Variants in TFAP2D observed in about 807,000 individuals in gnomAD.
TFAP2D encodes transcription factor AP-2 delta.
A neutral mutation model predicts 43.6 loss-of-function variants in TFAP2D; 9 were observed. The observed-to-expected ratio is 0.21, with a 90% CI of 0.12 to 0.36. The LOEUF (loss-of-function observed/expected upper bound fraction) is 0.36, where lower values mean the gene tolerates loss of function less well. Among genes scored for constraint, TFAP2D ranks in the 10% least tolerant of loss-of-function variants. The pLI, the probability that TFAP2D is intolerant of heterozygous loss-of-function variation, is 1.00. For synonymous variants in TFAP2D, 256 were observed against 224.9 expected (o/e 1.14, Z -1.24); for missense variants, 513 against 561.4 (o/e 0.91, Z 0.87).
At chr6:50,772,419 C>T (rs1769542060) in intron 7 of TFAP2D, among the ~76,000 whole-genome samples, 1 of 152,038 alleles carries the variant, frequency 6.6e-6, no homozygotes, top group East Asian at 1.9e-4. Context: ...ATAATTAGTG[C>T]ATATCAACTC....
At chr6:50,714,983 C>G (rs564381447) in intron 1 of TFAP2D, 133 bp from the exon 2 acceptor site, 2 of 1,218,866 alleles carry the variant, frequency 1.6e-6, no homozygotes, top group Non-Finnish European at 1.1e-6. Context: ...GGCTTCGGCT[C>G]GGCCCGAGTC....
At chr6:50,759,238 C>A (rs1012718192) in intron 7 of TFAP2D, among the ~76,000 whole-genome samples, 7 of 151,874 alleles carry the variant, frequency 4.6e-5, no homozygotes, top group Non-Finnish European at 5.9e-5. Context: ...CACAGAGAGA[C>A]AATATGGCAT....
intron 7 of TFAP2D, among the ~76,000 whole-genome samples, chr6:50,757,602 A>G (rs1769296405): frequency 1.4e-5 from 1 of 70,712 alleles, no homozygotes; most frequent in Non-Finnish European, 2.4e-5. Flanking sequence ...TATATATAGA[A>G]TATATATAAT....
intron 7 of TFAP2D, among the ~76,000 whole-genome samples, chr6:50,757,783 CTA>C (rs1481955664): frequency 2.8e-5 from 2 of 71,396 alleles, no homozygotes; most frequent in Admixed American, 1.8e-4. Context: ...TATAATTATT[CTA>C]TATATATAGA....
At chr6:50,742,627 T>C (rs1769065709) in intron 5 of TFAP2D, among the ~76,000 whole-genome samples, 1 of 150,672 alleles carries the variant, frequency 6.6e-6, no homozygotes, top group Admixed American at 6.6e-5. Context: ...GATAGATAGA[T>C]AGATGATAGA....
intron 5 of TFAP2D, among the ~76,000 whole-genome samples, chr6:50,735,937 T>A (rs1193747909): frequency 6.6e-6 from 1 of 152,146 alleles, no homozygotes; most frequent in Non-Finnish European, 1.5e-5. Flanking sequence ...ATAACATCTG[T>A]TTAGGGAATG....
intron 3 of TFAP2D, among the ~76,000 whole-genome samples, chr6:50,722,990 C>A (rs774756353): frequency 1.3e-5 from 2 of 152,194 alleles, no homozygotes; most frequent in South Asian, 4.1e-4. Flanking sequence ...CAGGCAGGAG[C>A]GCTTTCCTGA....
chr6:50,732,936 A>G (rs985098855), intron 5 of TFAP2D, among the ~76,000 whole-genome samples: 3 of 152,070 alleles, frequency 2.0e-5, no homozygotes, highest in African/African-American at 2.4e-5. Flanking sequence ...TTTGTTTTCA[A>G]ATCCACATAT....
chr6:50,745,481 T>TG (rs1252764492), intron 6 of TFAP2D, among the ~76,000 whole-genome samples: 1 of 152,158 alleles, frequency 6.6e-6, no homozygotes, highest in East Asian at 1.9e-4. Context: ...TGAAAGTTCT[T>TG]GGAAAACTTC....
intron 5 of TFAP2D, among the ~76,000 whole-genome samples, chr6:50,740,188 T>C (rs1282300103): frequency 6.6e-6 from 1 of 152,214 alleles, no homozygotes; most frequent in Non-Finnish European, 1.5e-5. Context: ...ATCATAAATA[T>C]ATGACTGGAG....
chr6:50,768,189 G>A (rs995018646), intron 7 of TFAP2D, among the ~76,000 whole-genome samples: 44 of 147,570 alleles, frequency 3.0e-4, no homozygotes, highest in Non-Finnish European at 4.7e-4. Context: ...ACTATAGTTC[G>A]TTACCTTGCA....
intron 3 of TFAP2D, among the ~76,000 whole-genome samples, chr6:50,719,469 G>GAAAT (rs1463379795): frequency 7.4e-6 from 1 of 135,100 alleles, no homozygotes; most frequent in East Asian, 2.7e-4. Flanking sequence ...AAGAAAGAAA[G>GAAAT]AAAGAAAGAA....
rs1219144250 is a variant in TFAP2D, at chr6:50,713,565, C to T, written c.-491C>T. On this transcript the variant is annotated 5_prime_UTR_variant, in exon 1 of 8. Transcript: ENST00000008391. ...CTTCACAATAAAATGTGTGCAAATA[C>T]TCTCCACAGAGATAAGTCCCCACCT... 6.6e-6 allele frequency among the ~76,000 whole-genome samples: 1 copy of T among 152,142 alleles called. No homozygotes were observed. Among genetic ancestry groups the T allele is most frequent in the Non-Finnish European group, 1.5e-5 (1 of 68,012 alleles).
intron 1 of TFAP2D, among the ~76,000 whole-genome samples, chr6:50,714,454 AG>A (rs1768580432): frequency 1.3e-5 from 2 of 152,110 alleles, no homozygotes; most frequent in African/African-American, 2.4e-5. Flanking sequence ...TAGATGCACA[AG>A]GGGGATGGGG....
chr6:50,719,594 TG>T (rs1420192211), intron 3 of TFAP2D, among the ~76,000 whole-genome samples: 3 of 152,218 alleles, frequency 2.0e-5, no homozygotes, highest in Admixed American at 1.3e-4. Flanking sequence ...AGCCACAGCC[TG>T]GGTGTTTGAG....
intron 7 of TFAP2D, among the ~76,000 whole-genome samples, chr6:50,758,389 T>C (rs1034826624): frequency 5.3e-5 from 8 of 152,008 alleles, no homozygotes; most frequent in Admixed American, 5.3e-4. Flanking sequence ...ACAACTCTAT[T>C]AGAAATGCCT....
intron 5 of TFAP2D, among the ~76,000 whole-genome samples, chr6:50,742,521 G>A (rs936122020): frequency 6.6e-6 from 1 of 151,234 alleles, no homozygotes; most frequent in Non-Finnish European, 1.5e-5. Flanking sequence ...TAAAGAAAAA[G>A]GATTGGATGG....
chr6:50,744,639 T>C (rs978346007), intron 5 of TFAP2D, among the ~76,000 whole-genome samples: 3 of 152,148 alleles, frequency 2.0e-5, no homozygotes, highest in African/African-American at 4.8e-5. Context: ...TCCGACTTCC[T>C]CGAAAAGTTA....
intron 7 of TFAP2D, among the ~76,000 whole-genome samples, chr6:50,768,919 TTG>T (rs1491023997): frequency 2.0e-5 from 3 of 151,396 alleles, no homozygotes; most frequent in African/African-American, 4.8e-5. Flanking sequence ...TTTTTTTTTT[TTG>T]AGACAAAGTC....
Sources: gnomAD v4.1 joint callset for allele counts (sites outside exome capture counted in the v4.1 genomes callset) on GRCh38, gnomAD v4.1.1 for gene constraint, MANE v1.5 for transcripts, NCBI Gene and HGNC (gene_info 2026-07-23, HGNC 2026-07-21) for gene names.